Variants in CNTNAP2 observed in about 807,000 individuals in gnomAD.
CNTNAP2 encodes contactin-associated protein-like 2.
A neutral mutation model predicts 155.2 loss-of-function variants in CNTNAP2; 98 were observed. That is an observed-to-expected ratio of 0.63 (90% CI 0.54 to 0.75). CNTNAP2 has a LOEUF of 0.75. Among genes scored for constraint, CNTNAP2 ranks in the 30% least tolerant of loss-of-function variants. The pLI is 0.00. For synonymous variants in CNTNAP2, 651 were observed against 631.2 expected, an observed-to-expected ratio of 1.03 and a Z score of -0.47; for missense variants, 1,727 against 1,688.1, an observed-to-expected ratio of 1.02 and a Z score of -0.40.
intron 20 of CNTNAP2, among the ~76,000 whole-genome samples, chr7:148,266,207 A>G (rs1563017887): frequency 6.6e-6 from 1 of 152,234 alleles, no homozygotes; most frequent in Admixed American, 6.5e-5. Context: ...CTCACTTCAG[A>G]AAAATGAATG....
chr7:146,359,830 G>A (rs566072685), intron 1 of CNTNAP2, among the ~76,000 whole-genome samples: 5 of 152,266 alleles, frequency 3.3e-5, no homozygotes, highest in African/African-American at 1.2e-4. Context: ...ATGTGTGGGC[G>A]TGTGAAGTTT....
At chr7:147,228,723 G>A (rs1803605743) in intron 8 of CNTNAP2, among the ~76,000 whole-genome samples, 1 of 151,916 alleles carries the variant, frequency 6.6e-6, no homozygotes, top group African/African-American at 2.4e-5. Flanking sequence ...TTGTTACGTA[G>A]GTATACACGT....
Position 148,417,617 on chromosome 7 carries a change from A to ATGAT in CNTNAP2, c.*2003_*2006dup, listed in dbSNP as rs1585365141. On this transcript the variant is annotated 3_prime_UTR_variant, in exon 24 of 24. Coordinates refer to ENST00000361727, the MANE Select transcript of CNTNAP2 (RefSeq NM_014141.6). Reference sequence around the variant, plus strand: ...GCAAAGGCTGTTTTATTTAGCCAAGATGATTACCATTAGGAGTTACTTTAT... The same window carrying ATGAT: ...GCAAAGGCTGTTTTATTTAGCCAAGATGATTGATTACCATTAGGAGTTACTTTAT... 1 of 152,264 alleles carries ATGAT rather than the reference A, an allele frequency of 6.6e-6. No homozygotes were observed. Among genetic ancestry groups the ATGAT allele is most frequent in the Non-Finnish European group, 1.5e-5 (1 of 68,040 alleles). The allele number at this position is 152,264 out of a possible 1,614,324, so 9.4% of individuals were successfully genotyped here.
At chr7:146,199,614 A>G (rs1487742354) in intron 1 of CNTNAP2, among the ~76,000 whole-genome samples, 2 of 152,202 alleles carry the variant, frequency 1.3e-5, no homozygotes, top group East Asian at 3.8e-4. Flanking sequence ...TTGTATACAA[A>G]TGTTTCAGCT....
At chr7:148,109,414 C>T (rs1289001612) in intron 15 of CNTNAP2, among the ~76,000 whole-genome samples, 11 of 149,182 alleles carry the variant, frequency 7.4e-5, no homozygotes, top group Admixed American at 6.7e-4. Flanking sequence ...GATGGAGTTT[C>T]GCTCTTGTTG....
intron 1 of CNTNAP2, among the ~76,000 whole-genome samples, chr7:146,573,054 T>G (rs922165175): frequency 6.6e-6 from 1 of 152,186 alleles, no homozygotes; most frequent in South Asian, 2.1e-4. Context: ...TCAAGTGTTA[T>G]GCGTCTCTTT....
chr7:146,451,628 A>G (rs1796481701), intron 1 of CNTNAP2, among the ~76,000 whole-genome samples: 1 of 152,078 alleles, frequency 6.6e-6, no homozygotes, highest in African/African-American at 2.4e-5. Flanking sequence ...ACTGCGTTGC[A>G]CAGATTATAA....
In CNTNAP2 at chr7:146,942,339, C is replaced by T. The variant is rs146808565; in HGVS notation, c.403-101568C>T. Among the ~76,000 whole-genome samples, 292 of 152,114 alleles carry T rather than the reference C, an allele frequency of 1.9e-3. 4 individuals are homozygous for T. Among genetic ancestry groups the T allele is most frequent in the African/African-American group, 6.2e-3 (259 of 41,548 alleles). ...ACTTTACTCACTTACTCTCCCTCAG[C>T]AGAGAGAATAAGATATGTGAAGGCG... On this transcript the variant is annotated intron_variant, in intron 3 of 23. Coordinates refer to ENST00000361727, the MANE Select transcript of CNTNAP2 (RefSeq NM_014141.6).
chr7:146,187,209 G>A (rs1798636756), intron 1 of CNTNAP2, among the ~76,000 whole-genome samples: 2 of 152,240 alleles, frequency 1.3e-5, no homozygotes, highest in Non-Finnish European at 2.9e-5. Context: ...ACCCAACTCT[G>A]GTAAATGTGA....
intron 4 of CNTNAP2, among the ~76,000 whole-genome samples, chr7:147,106,564 A>T (rs1337017839): frequency 2.0e-5 from 3 of 152,162 alleles, no homozygotes; most frequent in African/African-American, 7.2e-5. Context: ...ATTAAAATTT[A>T]AAGTTTAAGG....
At chr7:147,464,864 G>A (rs1167849392) in intron 10 of CNTNAP2, among the ~76,000 whole-genome samples, 1 of 152,188 alleles carries the variant, frequency 6.6e-6, no homozygotes, top group African/African-American at 2.4e-5. Flanking sequence ...AACATTAGAT[G>A]TCTAAGACTG....
chr7:147,607,495 G>T (rs1487443262), intron 12 of CNTNAP2, among the ~76,000 whole-genome samples: 2 of 151,192 alleles, frequency 1.3e-5, no homozygotes, highest in Admixed American at 1.3e-4. Context: ...CTTTTTCCTG[G>T]GTTGGAAGCA....
At chr7:147,299,753 A>G (rs1488193437) in intron 8 of CNTNAP2, among the ~76,000 whole-genome samples, 1 of 152,250 alleles carries the variant, frequency 6.6e-6, no homozygotes, top group Non-Finnish European at 1.5e-5. Context: ...AAAGTAGTTC[A>G]TAATTCACTA....
chr7:147,576,092 T>G, intron 12 of CNTNAP2, among the ~76,000 whole-genome samples: 1 of 104,764 alleles, frequency 9.5e-6, no homozygotes, highest in South Asian at 2.7e-4. Flanking sequence ...TATAAATTAC[T>G]ATTATTATTA....
chr7:146,794,361 A>G (rs1317076877), intron 2 of CNTNAP2, among the ~76,000 whole-genome samples: 1 of 152,172 alleles, frequency 6.6e-6, no homozygotes, highest in African/African-American at 2.4e-5. Flanking sequence ...GTTTAGAGGG[A>G]TTGATGATTA....
At chr7:146,568,725 G>A (rs1426087104) in intron 1 of CNTNAP2, among the ~76,000 whole-genome samples, 1 of 152,064 alleles carries the variant, frequency 6.6e-6, no homozygotes, top group Non-Finnish European at 1.5e-5. Flanking sequence ...CTTTTAACCA[G>A]TGTACTACTT....
At chr7:147,004,212 C>CAAAAAAAAAAAA (rs71525979) in intron 3 of CNTNAP2, among the ~76,000 whole-genome samples, 3 of 97,730 alleles carry the variant, frequency 3.1e-5, no homozygotes, top group South Asian at 3.2e-4. Context: ...ACTCATATAC[C>CAAAAAAAAAAAA]AAAAAAAAAA....
chr7:148,164,888 T>C (rs1585161571), intron 17 of CNTNAP2, among the ~76,000 whole-genome samples: 1 of 151,912 alleles, frequency 6.6e-6, no homozygotes. Flanking sequence ...CCTCAGGTGA[T>C]CCACCTGCCT....
intron 1 of CNTNAP2, among the ~76,000 whole-genome samples, chr7:146,513,238 T>C (rs777670921): frequency 2.0e-5 from 3 of 151,942 alleles, no homozygotes; most frequent in Non-Finnish European, 4.4e-5. Context: ...TTGGATCTTT[T>C]AAAAAATATA....
Sources: gnomAD v4.1 joint callset for allele counts (sites outside exome capture counted in the v4.1 genomes callset) on GRCh38, gnomAD v4.1.1 for gene constraint, MANE v1.5 for transcripts, NCBI Gene and HGNC (gene_info 2026-07-23, HGNC 2026-07-21) for gene names.